GATA4: variants seen among roughly 807,000 people sequenced by gnomAD.
The protein encoded by GATA4 is GATA binding protein 4, also known as transcription factor GATA-4.
Under a neutral mutation model 37.9 loss-of-function variants are expected in GATA4, and 7 were observed. The observed-to-expected ratio is 0.18, with a 90% CI of 0.11 to 0.35. GATA4 has a LOEUF of 0.35. Among genes scored for constraint, GATA4 ranks in the 10% least tolerant of loss-of-function variants. The probability of loss-of-function intolerance (pLI) is 1.00; values close to 1 mark genes in which losing one functional copy is unlikely to be tolerated. For synonymous variants in GATA4, 372 were observed against 292.6 expected, an observed-to-expected ratio of 1.27 and a Z score of -2.77; for missense variants, 647 against 653.0, an observed-to-expected ratio of 0.99 and a Z score of 0.10.
chr8:11,746,989 C>T (rs1802064544), intron 2 of GATA4, among the ~76,000 whole-genome samples: 2 of 152,220 alleles, frequency 1.3e-5, no homozygotes, highest in African/African-American at 2.4e-5. Context: ...TCTTCTCTGG[C>T]CCACATTCCC....
chr8:11,725,972 T>G (rs2130174152), intron 2 of GATA4, among the ~76,000 whole-genome samples: 1 of 152,368 alleles, frequency 6.6e-6, no homozygotes, highest in East Asian at 1.9e-4. Context: ...GCCTCTGTTC[T>G]CATTCTACCT....
At chr8:11,677,645 G>A (rs1047325647) in intron 1 of GATA4, among the ~76,000 whole-genome samples, 7 of 152,322 alleles carry the variant, frequency 4.6e-5, no homozygotes, top group Non-Finnish European at 5.9e-5. Context: ...CAGAAAGTCT[G>A]TGCTGTTTCC....
At chr8:11,692,124 T>C (rs897556824), upstream of GATA4, 69 of 809,532 alleles carry the variant, frequency 8.5e-5, no homozygotes, top group Non-Finnish European at 9.1e-5. Flanking sequence ...TCGGGCCACC[T>C]GTTCTCCAGC....
Position 11,707,146 on chromosome 8 carries a change from G to C in GATA4, c.-457-710G>C, listed in dbSNP as rs906862644. Among the ~76,000 whole-genome samples the C allele has an allele frequency of 6.6e-6, 1 of 152,048 alleles. No homozygotes were observed. Among genetic ancestry groups the C allele is most frequent in the African/African-American group, 2.4e-5 (1 of 41,388 alleles). ...ATTGTACATTCTTCTCACTTTTCTG[G>C]TTCTGATATACAATTTGCAAAACGT... On this transcript the variant is annotated intron_variant, in intron 1 of 6. Coordinates refer to ENST00000532059, the MANE Select transcript of GATA4 (RefSeq NM_001308093.3). The surrounding 1 kb of genome is among the most constrained non-coding windows in gnomAD (Gnocchi z 4.7).
At chr8:11,740,422 T>C (rs1801673590) in intron 2 of GATA4, among the ~76,000 whole-genome samples, 1 of 152,196 alleles carries the variant, frequency 6.6e-6, no homozygotes, top group African/African-American at 2.4e-5. Flanking sequence ...CCCATATTAA[T>C]CCGGGGAGGC....
intron 1 of GATA4, chr8:11,692,860 AGCGCCGCCGAGTTT>A (rs992616306): frequency 1.0e-6 from 1 of 980,160 alleles, no homozygotes; most frequent in Non-Finnish European, 1.2e-6. Flanking sequence ...GCTGACCCCG[AGCGCCGCCGAGTTT>A]GCGCCGCCCG....
chr8:11,703,649 G>A (rs1030850463), upstream of GATA4, among the ~76,000 whole-genome samples: 14 of 152,242 alleles, frequency 9.2e-5, no homozygotes, highest in South Asian at 2.1e-4. Flanking sequence ...ATTTTGGGAA[G>A]GCAAAAGGGA....
rs964721682 is a variant in GATA4 at position 11,749,683 on chromosome 8, C to G, written c.787-428C>G. ...ACAGAGGGGATAAACCTGGTGCCTC[C>G]CTTTCTTGAGGTCCCAGGGCCATTC... On this transcript the variant is annotated intron_variant, in intron 3 of 6. Transcript: ENST00000532059. The surrounding 1 kb of genome is among the most constrained non-coding windows in gnomAD (Gnocchi z 4.6). 4.6e-5 allele frequency among the ~76,000 whole-genome samples: 7 copies of G among 152,158 alleles called. No homozygotes were observed. The highest frequency in any genetic ancestry group is 8.8e-5 in the Non-Finnish European group (6 of 68,026).
At position 11,709,586 on chromosome 8, in the gene GATA4, G is replaced by GGGGGGGA. The variant is rs71205016; in HGVS notation, c.616+658_616+659insGGGGGGA. On this transcript the variant is annotated intron_variant, in intron 2 of 6. Transcript: ENST00000532059. This position sits in a 1 kb window ranked among gnomAD's most constrained non-coding sequence, Gnocchi z 4.3. ...CATCATGCGGGCAGCGGGGGGGGGGGCGCACACGCCCGGTCAGTGTCCGGG... is the reference window on the plus strand; with the variant it reads ...CATCATGCGGGCAGCGGGGGGGGGGGGGGGGGACGCACACGCCCGGTCAGTGTCCGGG... Among the ~76,000 whole-genome samples the GGGGGGGA allele has an allele frequency of 5.3e-5, 8 of 151,092 alleles. No individual in the cohort carries two copies. The highest frequency in any genetic ancestry group is 2.1e-4 in the South Asian group (1 of 4,784).
intron 1 of GATA4, among the ~76,000 whole-genome samples, chr8:11,694,855 G>C (rs1476196380): frequency 6.6e-6 from 1 of 151,906 alleles, no homozygotes; most frequent in Non-Finnish European, 1.5e-5. Flanking sequence ...CTCTCTCTCT[G>C]TCTCTCTCTC....
chr8:11,708,232 T>C lies in GATA4; in HGVS notation c.-81T>C, dbSNP rs914779286. ...TTCCTCCCACGCATATTATCGTTGT[T>C]GCCGTCGTTTTCTCTCCCCGCGTGG... On this transcript the variant is annotated 5_prime_UTR_variant, in exon 2 of 7. Transcript: ENST00000532059. The surrounding 1 kb of genome is among the most constrained non-coding windows in gnomAD (Gnocchi z 6.7). The C allele has an allele frequency of 3.4e-6, 5 of 1,469,026 alleles. No individual in the cohort carries two copies. The highest frequency in any genetic ancestry group is 4.6e-6 in the Non-Finnish European group (5 of 1,086,722). 91.0% of individuals were successfully genotyped at this position (1,469,026 alleles called of 1,614,324 possible). A position where few individuals can be genotyped will look rare whatever the true frequency, so the allele number is the denominator to read the frequency against.
upstream of GATA4, among the ~76,000 whole-genome samples, chr8:11,690,134 A>C (rs903859490): frequency 6.6e-6 from 1 of 152,264 alleles, no homozygotes; most frequent in African/African-American, 2.4e-5. Context: ...ACCTGGTGCC[A>C]TAATCACCCA....
chr8:11,687,163 A>G (rs1347542449), intron 1 of GATA4, among the ~76,000 whole-genome samples: 1 of 152,050 alleles, frequency 6.6e-6, no homozygotes, highest in African/African-American at 2.4e-5. Flanking sequence ...GAGGGAAGAG[A>G]TTTCCCTTGC....
intron 1 of GATA4, among the ~76,000 whole-genome samples, chr8:11,693,522 AAC>A (rs140439542): frequency 0.024 from 2,666 of 109,836 alleles, 28 homozygotes; most frequent in African/African-American, 0.039. Context: ...ATTCAGCACA[AAC>A]ACACACACAC....
At chr8:11,717,198 G>A (rs1800471560) in intron 2 of GATA4, among the ~76,000 whole-genome samples, 1 of 152,176 alleles carries the variant, frequency 6.6e-6, no homozygotes, top group Non-Finnish European at 1.5e-5. Context: ...ACCTTCTAAA[G>A]AAGGCAGGGA....
chr8:11,742,134 C>T (rs1390751259), intron 2 of GATA4, among the ~76,000 whole-genome samples: 1 of 152,284 alleles, frequency 6.6e-6, no homozygotes, highest in Non-Finnish European at 1.5e-5. Context: ...TGTGGAGGTG[C>T]TGGGAGTTCT....
At chr8:11,721,158 T>A (rs1317089286) in intron 2 of GATA4, among the ~76,000 whole-genome samples, 10 of 150,958 alleles carry the variant, frequency 6.6e-5, no homozygotes, top group Non-Finnish European at 1.5e-5. Context: ...CGAAAGTGGG[T>A]TCTACGGAGC....
At chr8:11,681,012 C>T in intron 1 of GATA4, 2 of 939,426 alleles carry the variant, frequency 2.1e-6, no homozygotes, top group Non-Finnish European at 2.5e-6. Context: ...ACCCCCGAAT[C>T]CCATACCCCA....
intron 1 of GATA4, among the ~76,000 whole-genome samples, chr8:11,687,397 C>A (rs926004641): frequency 6.6e-6 from 1 of 152,120 alleles, no homozygotes; most frequent in African/African-American, 2.4e-5. Flanking sequence ...TAATCTCCAC[C>A]TGTAATCAAA....
Sources: allele counts gnomAD v4.1 joint callset (sites outside exome capture counted in the v4.1 genomes callset), GRCh38; gene constraint gnomAD v4.1.1; non-coding constraint Gnocchi (gnomAD v3.1); transcripts MANE v1.5; gene names NCBI Gene and HGNC (gene_info 2026-07-23, HGNC 2026-07-21).